UPRT: variants seen among roughly 807,000 people sequenced by gnomAD.
The protein encoded by UPRT is uracil phosphoribosyltransferase homolog.
In UPRT, 5 loss-of-function variants were observed where a neutral mutation model predicts 22.6. That is an observed-to-expected ratio of 0.22 (90% CI 0.12 to 0.47). UPRT has a LOEUF of 0.47. Ranked by LOEUF, UPRT falls within the 20% of genes least tolerant of loss-of-function variation. UPRT has a pLI of 0.99. For synonymous variants in UPRT, 77 were observed against 87.7 expected (o/e 0.88, Z 0.68); for missense variants, 181 against 239.9 (o/e 0.75, Z 1.62).
At chrX:75,248,495 G>C (rs2082515435) in intron 4 of UPRT, among the ~76,000 whole-genome samples, 1 of 111,840 alleles carries the variant, frequency 8.9e-6, no homozygotes, top group Non-Finnish European at 1.9e-5. Flanking sequence ...GAAGTGTGAA[G>C]AGAAGTTTAG....
intron 4 of UPRT, among the ~76,000 whole-genome samples, chrX:75,255,950 G>A (rs1252431566): frequency 1.8e-5 from 2 of 111,618 alleles, no homozygotes; most frequent in Non-Finnish European, 3.8e-5. Flanking sequence ...GCACTAGAAA[G>A]GTCATCAAGA....
At chrX:75,229,937 C>T (rs2082433166) in intron 4 of UPRT, among the ~76,000 whole-genome samples, 1 of 112,453 alleles carries the variant, frequency 8.9e-6, no homozygotes, top group East Asian at 2.8e-4. Flanking sequence ...GCAGAAGCCA[C>T]AGCAGAAGTT....
intron 4 of UPRT, among the ~76,000 whole-genome samples, chrX:75,226,518 T>C (rs1042047651): frequency 9.8e-5 from 11 of 111,827 alleles, no homozygotes; most frequent in African/African-American, 3.6e-4. Context: ...ACCACTCAGC[T>C]CCATCCTAGT....
intron 1 of UPRT, among the ~76,000 whole-genome samples, chrX:75,282,906 A>G (rs933240402): frequency 7.2e-5 from 8 of 111,844 alleles, no homozygotes; most frequent in Non-Finnish European, 1.5e-4. Context: ...GTTGTTGTCT[A>G]ACTCATTTCT....
At chrX:75,159,421 G>T (rs780125611) in intron 1 of UPRT, among the ~76,000 whole-genome samples, 1 of 112,031 alleles carries the variant, frequency 8.9e-6, no homozygotes, top group Non-Finnish European at 1.9e-5. Context: ...TGTATATATT[G>T]TTTATGATAT....
At position 75,288,578 on chromosome X, in the gene UPRT, T is replaced by C. The variant is rs148680310; in HGVS notation, c.387-4894T>C. Among the ~76,000 whole-genome samples the C allele has an allele frequency of 3.8e-4, 43 of 112,103 alleles. No homozygotes were observed. The East Asian group carries it at 0.011, about 30-fold the overall frequency. On this transcript the variant is annotated intron_variant, in intron 1 of 6. Transcript: ENST00000373383. ...AACACATAAAAAGAATTTTAAAATA[T>C]ATGATCATCTCAACAGCTGCAGAAA...
chrX:75,245,252 C>T (rs1234068975), intron 4 of UPRT, among the ~76,000 whole-genome samples: 1 of 101,742 alleles, frequency 9.8e-6, no homozygotes, highest in African/African-American at 3.7e-5. Flanking sequence ...GTCAGAATGG[C>T]TATTACTAAA....
At chrX:75,234,614 A>C (rs759672881) in intron 4 of UPRT, among the ~76,000 whole-genome samples, 20 of 112,019 alleles carry the variant, frequency 1.8e-4, no homozygotes, top group Non-Finnish European at 3.0e-4. Context: ...ATCAAACTGG[A>C]ACTCAGGATT....
intron 4 of UPRT, among the ~76,000 whole-genome samples, chrX:75,200,117 C>G (rs751377629): frequency 1.8e-5 from 2 of 112,231 alleles, no homozygotes; most frequent in African/African-American, 3.2e-5. Flanking sequence ...ACCAGCAACA[C>G]TAACTTTCCT....
At chrX:75,258,218 C>CTT (rs2082555738) in intron 4 of UPRT, among the ~76,000 whole-genome samples, 2 of 65,089 alleles carry the variant, frequency 3.1e-5, no homozygotes, top group East Asian at 1.3e-3. Flanking sequence ...TTCCTTTTTT[C>CTT]TTTCTTTTTT....
At position 75,297,447 on chromosome X, in the gene UPRT, C is replaced by G. The variant is rs370207161; in HGVS notation, c.500-44C>G. On this transcript the variant is annotated intron_variant, in intron 3 of 6. Coordinates refer to ENST00000373383, the MANE Select transcript of UPRT (RefSeq NM_145052.4). ...GACACTTTATAAAATATGTAGGTTA[C>G]TCCAGTGATGAAAGATAAATTCTTT... 20 of 1,166,331 alleles carry G rather than the reference C, an allele frequency of 1.7e-5. No individual in the cohort carries two copies. In the African/African-American group the frequency reaches 1.9e-4, roughly 11 times the overall value.
intron 4 of UPRT, 36 bp from the exon 5 acceptor site, chrX:75,299,699 C>T: frequency 1.7e-6 from 2 of 1,179,979 alleles, no homozygotes; most frequent in Non-Finnish European, 1.1e-6. Flanking sequence ...CTCTCTCTTT[C>T]CCCTAATCTT....
chrX:75,163,538 G>T (rs1411490179), intron 3 of UPRT, among the ~76,000 whole-genome samples: 1 of 111,699 alleles, frequency 9.0e-6, no homozygotes, highest in Non-Finnish European at 1.9e-5. Flanking sequence ...GGGTGGAAAT[G>T]ATAGTGGCCA....
intron 4 of UPRT, among the ~76,000 whole-genome samples, chrX:75,197,525 T>A (rs2082336207): frequency 9.0e-6 from 1 of 111,117 alleles, no homozygotes; most frequent in Non-Finnish European, 1.9e-5. Context: ...ATCTAGGGAG[T>A]ATAAGACATA....
intron 4 of UPRT, among the ~76,000 whole-genome samples, chrX:75,205,436 A>C (rs1243123097): frequency 1.9e-5 from 2 of 105,921 alleles, no homozygotes; most frequent in Non-Finnish European, 3.9e-5. Context: ...AATTAGAGGC[A>C]GAGAGTGTTA....
chrX:75,206,271 A>C (rs1263800386), intron 4 of UPRT, among the ~76,000 whole-genome samples: 1 of 111,254 alleles, frequency 9.0e-6, no homozygotes, highest in Non-Finnish European at 1.9e-5. Flanking sequence ...TATTGTTAGA[A>C]GGTACCAAAC....
At chrX:75,280,564 G>A (rs923334669) in intron 1 of UPRT, among the ~76,000 whole-genome samples, 4 of 111,316 alleles carry the variant, frequency 3.6e-5, no homozygotes, top group Admixed American at 9.5e-5. Flanking sequence ...TTGCTTTGTC[G>A]AAGATCAGTT....
At chrX:75,254,296 T>C (rs1027525657) in intron 4 of UPRT, among the ~76,000 whole-genome samples, 3 of 110,147 alleles carry the variant, frequency 2.7e-5, no homozygotes, top group African/African-American at 9.9e-5. Context: ...ATATAAGAAG[T>C]GAAGGGAGAA....
In UPRT at chrX:75,262,195, GAGA is replaced by G. The variant is rs765358478; in HGVS notation, c.-446-28826_-446-28824del. ...TATCCAGCCAAACTAAGCTTCATAA[GAGA>G]AGGAGAAATAAAATCCTTTACAGAC... On this transcript the variant is annotated intron_variant, in intron 4 of 13. Transcript: ENST00000652605. Among the ~76,000 whole-genome samples the G allele has an allele frequency of 1.4e-3, 159 of 111,571 alleles. 1 individual carries two copies. Among genetic ancestry groups the G allele is most frequent in the South Asian group, 6.4e-3 (17 of 2,666 alleles).
Sources: gnomAD v4.1 joint callset for allele counts (sites outside exome capture counted in the v4.1 genomes callset) on GRCh38, gnomAD v4.1.1 for gene constraint, MANE v1.5 for transcripts, NCBI Gene and HGNC (gene_info 2026-07-23, HGNC 2026-07-21) for gene names.